Variants in PLEKHF1 observed in about 807,000 individuals in gnomAD.
PLEKHF1 encodes pleckstrin homology domain-containing family F member 1.
Under a neutral mutation model 4.1 loss-of-function variants are expected in PLEKHF1, and 1 was observed. That is an observed-to-expected ratio of 0.24 (90% CI 0.09 to 1.15). The LOEUF is 1.15. Among genes scored for constraint, PLEKHF1 ranks in the 50% most tolerant of loss-of-function variants. PLEKHF1 has a pLI of 0.52. For missense variants in PLEKHF1, 429 were observed against 400.6 expected (o/e 1.07, Z -0.60); for synonymous variants, 182 against 178.5 (o/e 1.02, Z -0.16).
chr19:29,665,473 A>C lies in PLEKHF1; in HGVS notation c.-49A>C, dbSNP rs894318037. The C allele has an allele frequency of 4.1e-6, 4 of 980,964 alleles. No homozygotes were observed. Among genetic ancestry groups the C allele is most frequent in the Non-Finnish European group, 5.3e-6 (4 of 751,884 alleles). 60.8% of individuals were successfully genotyped at this position (980,964 alleles called of 1,614,324 possible). ...GGGGACCCGGGCTACTGCGGTGTGGACTCGAGGGCTGGGCGCGGGGCCGGC... is the reference window on the plus strand; with the variant it reads ...GGGGACCCGGGCTACTGCGGTGTGGCCTCGAGGGCTGGGCGCGGGGCCGGC... On this transcript the variant is annotated 5_prime_UTR_variant, in exon 1 of 2. Transcript: ENST00000436066.
At position 29,674,268 on chromosome 19, in the gene PLEKHF1, G is replaced by C; in HGVS notation, c.429G>C (p.Thr143=). The C allele has an allele frequency of 6.2e-7, 1 of 1,602,718 alleles. No individual in the cohort carries two copies. Among genetic ancestry groups the C allele is most frequent in the Non-Finnish European group, 8.5e-7 (1 of 1,178,044 alleles). Reference sequence around the variant, plus strand: ...GGGCCACGGGCCGCCCGCCCAGCACGGAGCACGCGGCACCCTGGATCCCCG... The same window carrying C: ...GGGCCACGGGCCGCCCGCCCAGCACCGAGCACGCGGCACCCTGGATCCCCG... The part of the protein sequence containing the change: ...QLRATGRPPS[T]EHAAPWIPDK... Residue 143 remains threonine, a synonymous_variant, in exon 2 of 2, where the codon ACG becomes ACC. Transcript: ENST00000436066.
Position 29,668,973 on chromosome 19 carries a change from C to A in PLEKHF1, c.-17+3468C>A, listed in dbSNP as rs142783031. On this transcript the variant is annotated intron_variant, in intron 1 of 1. Transcript: ENST00000436066. Reference sequence around the variant, plus strand: ...GGCTTCCCCAGTCAGTGTGTGGGGTCAGCTCTCAGCCCAGCCCCTTTCATC... The same window carrying A: ...GGCTTCCCCAGTCAGTGTGTGGGGTAAGCTCTCAGCCCAGCCCCTTTCATC... Among the ~76,000 whole-genome samples the A allele has an allele frequency of 2.1e-3, 327 of 152,262 alleles. 1 individual carries two copies. Among genetic ancestry groups the A allele is most frequent in the African/African-American group, 7.4e-3 (307 of 41,542 alleles).
chr19:29,668,200 C>G (rs1971591070), intron 1 of PLEKHF1, among the ~76,000 whole-genome samples: 1 of 152,192 alleles, frequency 6.6e-6, no homozygotes, highest in African/African-American at 2.4e-5. Context: ...TGCCTGGTCT[C>G]CCAGGCTTAC....
intron 1 of PLEKHF1, among the ~76,000 whole-genome samples, chr19:29,669,728 T>C (rs1016808218): frequency 6.6e-6 from 1 of 152,198 alleles, no homozygotes; most frequent in Non-Finnish European, 1.5e-5. Context: ...TGCCTTTTTT[T>C]AAAAAAACTT....
chr19:29,666,769 G>A (rs1971574277), intron 1 of PLEKHF1: 1 of 152,248 alleles, frequency 6.6e-6, no homozygotes, highest in Non-Finnish European at 1.5e-5. Flanking sequence ...GCTTTTGTGA[G>A]GATTAAGTGA....
chr19:29,666,237 G>A (rs996732270), intron 1 of PLEKHF1, among the ~76,000 whole-genome samples: 1 of 152,174 alleles, frequency 6.6e-6, no homozygotes, highest in Non-Finnish European at 1.5e-5. Flanking sequence ...AGCCCAAGGG[G>A]AGCACTCCTT....
At chr19:29,665,534 G>A (rs1274393873) in intron 1 of PLEKHF1, 29 bp downstream of exon 1, 2 of 1,250,278 alleles carry the variant, frequency 1.6e-6, no homozygotes, top group African/African-American at 1.6e-5. Context: ...CCCCGGCCGG[G>A]CTGCGGGTCG....
rs989354956 is a variant in PLEKHF1, at chr19:29,675,268, C to T, written c.*589C>T. On this transcript the variant is annotated 3_prime_UTR_variant, in exon 2 of 2. Coordinates refer to ENST00000436066, the MANE Select transcript of PLEKHF1 (RefSeq NM_024310.5). Reference sequence around the variant, plus strand: ...GGCCCAGGGACTGCAGCCTGAGCTCCCCGAGGCCCAGGGCAGCCGGGTGAG... The same window carrying T: ...GGCCCAGGGACTGCAGCCTGAGCTCTCCGAGGCCCAGGGCAGCCGGGTGAG... 1 of 167,524 alleles carries T rather than the reference C, an allele frequency of 6.0e-6. No individual in the cohort carries two copies. Among genetic ancestry groups the T allele is most frequent in the African/African-American group, 2.4e-5 (1 of 41,432 alleles). 10.4% of individuals were successfully genotyped at this position (167,524 alleles called of 1,614,324 possible).
rs766031511 is a variant in PLEKHF1 at position 29,674,645 on chromosome 19, C to T, written c.806C>T (p.Ala269Val). Residue 269 changes from alanine to valine, a missense_variant, in exon 2 of 2, where the codon GCC becomes GTC. By Grantham distance (64) the Ala-to-Val change is moderately conservative. Transcript: ENST00000436066. ...TGGCCCAGCAGCGTGGAGTTCTACG[C>T]CTCGGGGGTGGCCTGGTCTGCCTTC... Reference protein sequence around the residue: ...GDWPSSVEFYASGVAWSAFHS With the variant: ...GDWPSSVEFYVSGVAWSAFHS 5 of 1,609,640 alleles carry T rather than the reference C, an allele frequency of 3.1e-6. No homozygotes were observed. The East Asian group carries it at 1.1e-4, about 36-fold the overall frequency.
intron 1 of PLEKHF1, 45 bp from the exon 2 acceptor site, chr19:29,673,779 C>G (rs753418977): frequency 4.5e-6 from 7 of 1,553,554 alleles, no homozygotes; most frequent in Non-Finnish European, 6.1e-6. Context: ...TCTGACACCC[C>G]CATGCCTGAG....
chr19:29,669,602 C>T (rs1394444275), intron 1 of PLEKHF1, among the ~76,000 whole-genome samples: 1 of 152,198 alleles, frequency 6.6e-6, no homozygotes, highest in Admixed American at 6.5e-5. Flanking sequence ...GCCCAGGACC[C>T]AATCCAGACA....
At chr19:29,670,919 C>G (rs1044218189) in intron 1 of PLEKHF1, among the ~76,000 whole-genome samples, 1 of 152,068 alleles carries the variant, frequency 6.6e-6, no homozygotes, top group South Asian at 2.1e-4. Flanking sequence ...CATGATCCCC[C>G]CTCCTCGGCC....
At chr19:29,669,085 G>A (rs1389342067) in intron 1 of PLEKHF1, among the ~76,000 whole-genome samples, 1 of 152,198 alleles carries the variant, frequency 6.6e-6, no homozygotes, top group Non-Finnish European at 1.5e-5. Flanking sequence ...GAGGGGGTCT[G>A]TGAGTCATGG....
In PLEKHF1 at chr19:29,674,325, G is replaced by A. The variant is rs57443990; in HGVS notation, c.486G>A (p.Thr162=). Reference sequence around the variant, plus strand: ...CCACGGACATCTGCATGCGCTGCACGCAGACGCGCTTCTCTGCCCTCACGA... The same window carrying A: ...CCACGGACATCTGCATGCGCTGCACACAGACGCGCTTCTCTGCCCTCACGA... ...DKATDICMRC[T]QTRFSALTRR... The change falls in exon 2 of 2, where the codon ACG becomes ACA. Residue 162 remains threonine, a synonymous_variant. Transcript: ENST00000436066. The A allele has an allele frequency of 1.4e-3, 2,247 of 1,574,148 alleles. 33 individuals are homozygous for A. The African/African-American group carries it at 0.026, about 18-fold the overall frequency.
chr19:29,666,140 CG>C (rs1486806531), intron 1 of PLEKHF1, among the ~76,000 whole-genome samples: 2 of 151,984 alleles, frequency 1.3e-5, no homozygotes, highest in African/African-American at 4.8e-5. Context: ...CAACACCTGG[CG>C]GGCCGTGTAG....
At position 29,665,799 on chromosome 19, in the gene PLEKHF1, A is replaced by G; in HGVS notation, c.-17+294A>G. The G allele has an allele frequency of 4.7e-6, 5 of 1,071,262 alleles. No individual in the cohort carries two copies. In the South Asian group the frequency reaches 8.8e-5, roughly 19 times the overall value. 66.4% of individuals were successfully genotyped at this position (1,071,262 alleles called of 1,614,324 possible). A position where few individuals can be genotyped will look rare whatever the true frequency, so the allele number is the denominator to read the frequency against. On this transcript the variant is annotated intron_variant, in intron 1 of 1. Transcript: ENST00000436066. Reference sequence around the variant, plus strand: ...GCGCAGATGTAAGCTGGTGGAGGTAAGGGGGTCGCGGGCCACCCGGGACTG... The same window carrying G: ...GCGCAGATGTAAGCTGGTGGAGGTAGGGGGGTCGCGGGCCACCCGGGACTG...
chr19:29,674,624 C>G lies in PLEKHF1; in HGVS notation c.785C>G (p.Pro262Arg). ...GAGGGCAGCAGGGACGGCGACTGGC[C>G]CAGCAGCGTGGAGTTCTACGCCTCG... ...DKEGSRDGDW[P>R]SSVEFYASGV... Residue 262 changes from proline (P) to arginine (R), a missense_variant, in exon 2 of 2, where the codon CCC becomes CGC. Transcript: ENST00000436066. The G allele has an allele frequency of 6.2e-7, 1 of 1,610,106 alleles. No individual in the cohort carries two copies. Among genetic ancestry groups the G allele is most frequent in the Non-Finnish European group, 8.5e-7 (1 of 1,178,988 alleles).
At position 29,675,311 on chromosome 19, in the gene PLEKHF1, C is replaced by T. The variant is rs537900920; in HGVS notation, c.*632C>T. On this transcript the variant is annotated 3_prime_UTR_variant, in exon 2 of 2. Transcript: ENST00000436066. ...CGGGTGAGGACTCTGTCCTGTGTCA[C>T]CTCTCTCCAGGTGTCCAGCTGTCTC... is the stretch of plus-strand genomic sequence containing the variant. 80 of 167,558 alleles carry T rather than the reference C, an allele frequency of 4.8e-4. 1 individual carries two copies. Among genetic ancestry groups the T allele is most frequent in the Middle Eastern group, 6.8e-3 (2 of 296 alleles). 10.4% of individuals were successfully genotyped at this position (167,558 alleles called of 1,614,324 possible). A position where few individuals can be genotyped will look rare whatever the true frequency, so the allele number is the denominator to read the frequency against.
At position 29,674,756 on chromosome 19, in the gene PLEKHF1, C is replaced by G; in HGVS notation, c.*77C>G. 1 of 1,490,358 alleles carries G rather than the reference C, an allele frequency of 6.7e-7. No individual in the cohort carries two copies. Among genetic ancestry groups the G allele is most frequent in the Non-Finnish European group, 8.9e-7 (1 of 1,121,364 alleles). 92.3% of individuals were successfully genotyped at this position (1,490,358 alleles called of 1,614,324 possible). A position where few individuals can be genotyped will look rare whatever the true frequency, so the allele number is the denominator to read the frequency against. Reference sequence around the variant, plus strand: ...CCAAGAGGGCAGCTCCAGAAGCTGCCCAGGGCTCCGGGACCCCATCCCATG... The same window carrying G: ...CCAAGAGGGCAGCTCCAGAAGCTGCGCAGGGCTCCGGGACCCCATCCCATG... On this transcript the variant is annotated 3_prime_UTR_variant, in exon 2 of 2. Coordinates refer to ENST00000436066, the MANE Select transcript of PLEKHF1 (RefSeq NM_024310.5).
Sources: gnomAD v4.1 joint callset for allele counts (sites outside exome capture counted in the v4.1 genomes callset) on GRCh38, gnomAD v4.1.1 for gene constraint, MANE v1.5 for transcripts, NCBI Gene and HGNC (gene_info 2026-07-23, HGNC 2026-07-21) for gene names.